The following FGF12 variants were observed in gnomAD, a reference collection of about 807,000 sequenced individuals.
FGF12 encodes the protein fibroblast growth factor 12.
FGF12 carries 14 observed loss-of-function variants against 23.6 expected under a neutral mutation model. The observed-to-expected ratio is 0.59, with a 90% CI of 0.39 to 0.93. The LOEUF (loss-of-function observed/expected upper bound fraction) is 0.93. Ranked by LOEUF, FGF12 falls within the 40% of genes least tolerant of loss-of-function variation. The probability of loss-of-function intolerance (pLI) is 0.00; values close to 1 mark genes in which losing one functional copy is unlikely to be tolerated. For synonymous variants in FGF12, 62 were observed against 77.3 expected, an observed-to-expected ratio of 0.80 and a Z score of 1.04; for missense variants, 175 against 217.8, an observed-to-expected ratio of 0.80 and a Z score of 1.24.
intron 4 of FGF12, among the ~76,000 whole-genome samples, chr3:192,243,521 G>A (rs1719726075): frequency 7.7e-6 from 1 of 130,110 alleles, no homozygotes. Flanking sequence ...TAAAACATTA[G>A]GGCAGCTTTA....
chr3:192,582,681 TA>T (rs138649791), intron 2 of FGF12, among the ~76,000 whole-genome samples: 1 of 113,652 alleles, frequency 8.8e-6, no homozygotes, highest in Non-Finnish European at 1.8e-5. Flanking sequence ...CCACAGCTAG[TA>T]AAAAAAAGAA....
chr3:192,593,372 C>T (rs1006412709), intron 2 of FGF12, among the ~76,000 whole-genome samples: 3 of 151,870 alleles, frequency 2.0e-5, no homozygotes, highest in African/African-American at 7.2e-5. Context: ...CCTCTGTGAC[C>T]CTCTTCTCCT....
intron 4 of FGF12, among the ~76,000 whole-genome samples, chr3:192,310,652 G>A (rs1052876241): frequency 2.0e-5 from 3 of 152,130 alleles, no homozygotes; most frequent in African/African-American, 7.2e-5. Flanking sequence ...TCTAAGGACA[G>A]AAAGTAAAAA....
At chr3:192,460,682 T>TTATATATA (rs35031609) in intron 2 of FGF12, among the ~76,000 whole-genome samples, 15 of 142,446 alleles carry the variant, frequency 1.1e-4, no homozygotes, top group South Asian at 2.2e-4. Context: ...ACACATATAT[T>TTATATATA]TATATATATA....
chr3:192,460,831 G>A (rs1576996052), intron 2 of FGF12, among the ~76,000 whole-genome samples: 1 of 152,118 alleles, frequency 6.6e-6, no homozygotes, highest in Non-Finnish European at 1.5e-5. Flanking sequence ...GGGGCTTAGA[G>A]AGTTAAAATG....
At chr3:192,499,218 T>C (rs1724047514) in intron 2 of FGF12, among the ~76,000 whole-genome samples, 1 of 152,032 alleles carries the variant, frequency 6.6e-6, no homozygotes, top group Non-Finnish European at 1.5e-5. Context: ...GCAAGGATGA[T>C]CATAATCACT....
chr3:192,218,278 C>T (rs1718298755), intron 4 of FGF12, among the ~76,000 whole-genome samples: 1 of 152,186 alleles, frequency 6.6e-6, no homozygotes, highest in Non-Finnish European at 1.5e-5. Flanking sequence ...TAAGGAGATA[C>T]TGGCATCTTT....
Position 192,608,150 on chromosome 3 carries a change from G to C in FGF12, c.13+119031C>G, listed in dbSNP as rs529673881. Among the ~76,000 whole-genome samples the C allele has an allele frequency of 5.3e-5, 8 of 152,246 alleles. No individual in the cohort carries two copies. In the South Asian group the frequency reaches 1.7e-3, roughly 32 times the overall value. ...GAATGATGGTTACCAGAGTTGGGAA[G>C]GGTGGTGGGGGCAGTGGGAAGTGAT... is the stretch of plus-strand genomic sequence containing the variant. On this transcript the variant is annotated intron_variant, in intron 2 of 5. Coordinates refer to ENST00000445105, the MANE Select transcript of FGF12 (RefSeq NM_004113.6).
At position 192,397,942 on chromosome 3, in the gene FGF12, C is replaced by G. The variant is rs555098420; in HGVS notation, c.14-37404G>C. On this transcript the variant is annotated intron_variant, in intron 2 of 5. Transcript: ENST00000445105. ...ATATACAACATTTAAATCACCAGTG[C>G]AATTTAAAAAAAAACTCTTTATGAA... Among the ~76,000 whole-genome samples the G allele has an allele frequency of 1.1e-4, 13 of 116,160 alleles. No homozygotes were observed. The South Asian group carries it at 3.3e-3, about 29-fold the overall frequency. 76.2% of individuals were successfully genotyped at this position (116,160 alleles called of 152,430 possible).
At chr3:192,215,600 A>G (rs1326477197) in intron 4 of FGF12, among the ~76,000 whole-genome samples, 1 of 151,448 alleles carries the variant, frequency 6.6e-6, no homozygotes, top group Non-Finnish European at 1.5e-5. Flanking sequence ...TCTCCACAAC[A>G]CTCCTGCCGA....
chr3:192,270,395 A>T lies in FGF12; in HGVS notation c.228+64966T>A, dbSNP rs563687128. 1.3e-4 allele frequency among the ~76,000 whole-genome samples: 20 copies of T among 152,294 alleles called. 1 individual carries two copies. The South Asian group carries it at 2.7e-3, about 21-fold the overall frequency. ...ACTCATGCTATTCCACTATATCAAC[A>T]TTTCATAAAACCCCTCATTTCTCCC... On this transcript the variant is annotated intron_variant, in intron 4 of 5. Transcript: ENST00000445105.
chr3:192,722,503 A>G (rs1719070362), intron 2 of FGF12, among the ~76,000 whole-genome samples: 2 of 152,156 alleles, frequency 1.3e-5, no homozygotes, highest in Non-Finnish European at 2.9e-5. Flanking sequence ...ATCTAGAACA[A>G]AGAATTGAAT....
chr3:192,375,990 C>T (rs1022041470), intron 2 of FGF12, among the ~76,000 whole-genome samples: 7 of 152,016 alleles, frequency 4.6e-5, no homozygotes, highest in African/African-American at 1.7e-4. Context: ...CTATAATATT[C>T]CCAGGTGTGG....
chr3:192,318,911 C>G (rs1190407848), intron 4 of FGF12, among the ~76,000 whole-genome samples: 1 of 152,060 alleles, frequency 6.6e-6, no homozygotes, highest in African/African-American at 2.4e-5. Flanking sequence ...TCAGTGGAAA[C>G]TTTACAGGCC....
intron 4 of FGF12, among the ~76,000 whole-genome samples, chr3:192,277,540 T>C (rs1425525304): frequency 6.6e-6 from 1 of 152,176 alleles, no homozygotes; most frequent in African/African-American, 2.4e-5. Flanking sequence ...AAGTTTTTGG[T>C]CCACAAGAGG....
intron 4 of FGF12, among the ~76,000 whole-genome samples, chr3:192,271,038 C>T (rs2108628218): frequency 6.6e-6 from 1 of 152,254 alleles, no homozygotes. Flanking sequence ...TCTTAAAAAA[C>T]TGGACCAAAA....
intron 4 of FGF12, among the ~76,000 whole-genome samples, chr3:192,254,250 A>T (rs1264948843): frequency 1.3e-5 from 2 of 151,832 alleles, no homozygotes; most frequent in Non-Finnish European, 2.9e-5. Context: ...TAGACTCCGC[A>T]TATAGATGAG....
intron 2 of FGF12, among the ~76,000 whole-genome samples, chr3:192,645,149 C>A (rs531250093): frequency 6.6e-6 from 1 of 152,072 alleles, no homozygotes; most frequent in Non-Finnish European, 1.5e-5. Context: ...AAGTTGGGAT[C>A]TCACCTGTAA....
At chr3:192,695,199 T>C (rs550468309) in intron 2 of FGF12, among the ~76,000 whole-genome samples, 3 of 152,308 alleles carry the variant, frequency 2.0e-5, no homozygotes, top group South Asian at 2.1e-4. Context: ...ACAAGTCATA[T>C]TCAACACATT....
Sources: gnomAD v4.1 joint callset for allele counts (sites outside exome capture counted in the v4.1 genomes callset) on GRCh38, gnomAD v4.1.1 for gene constraint, MANE v1.5 for transcripts, NCBI Gene and HGNC (gene_info 2026-07-23, HGNC 2026-07-21) for gene names.